SPMAP2L: variants seen among roughly 807,000 people sequenced by gnomAD.
SPMAP2L encodes the protein sperm microtubule associated protein 2-like.
At chr4:56,587,798 T>C in the SPMAP2L span, among the ~76,000 whole-genome samples, 1 of 152,338 alleles carries the variant, frequency 6.6e-6, no homozygotes, top group East Asian at 1.9e-4. Context: ...AGTATCTTTT[T>C]CAAATAAGGG....
At chr4:56,569,593 C>G in the SPMAP2L span, among the ~76,000 whole-genome samples, 1 of 151,882 alleles carries the variant, frequency 6.6e-6, no homozygotes, top group Non-Finnish European at 1.5e-5. Flanking sequence ...GTGGATCACT[C>G]GAGGTCAGGA....
At chr4:56,555,914 T>C in the SPMAP2L span, among the ~76,000 whole-genome samples, 2 of 152,166 alleles carry the variant, frequency 1.3e-5, no homozygotes, top group African/African-American at 4.8e-5. Flanking sequence ...AACACACACA[T>C]ATTTATTGAG....
chr4:56,580,650 TA>T, the SPMAP2L span, among the ~76,000 whole-genome samples: 3 of 148,438 alleles, frequency 2.0e-5, no homozygotes, highest in African/African-American at 2.5e-5. Context: ...AAATAAAAAA[TA>T]AAAAAAAATA....
the SPMAP2L span, chr4:56,530,687 A>G: frequency 6.5e-7 from 1 of 1,534,552 alleles, no homozygotes; most frequent in African/African-American, 1.4e-5. Context: ...ATGGAGAACC[A>G]AGAGTTTCTA....
the SPMAP2L span, among the ~76,000 whole-genome samples, chr4:56,620,783 A>C: frequency 6.6e-6 from 1 of 152,266 alleles, no homozygotes; most frequent in Admixed American, 6.5e-5. Context: ...TATTTAAAGT[A>C]ATGTAATGCA....
chr4:56,548,263 G>A, the SPMAP2L span, among the ~76,000 whole-genome samples: 1 of 151,774 alleles, frequency 6.6e-6, no homozygotes, highest in Non-Finnish European at 1.5e-5. Context: ...CTGTAGTGCT[G>A]ATGAACTTTT....
the SPMAP2L span, among the ~76,000 whole-genome samples, chr4:56,591,767 T>G: frequency 5.3e-5 from 8 of 152,328 alleles, no homozygotes; most frequent in South Asian, 1.7e-3. Context: ...ATTTCCACAA[T>G]TCAGATAGTG....
chr4:56,565,684 T>C, the SPMAP2L span, among the ~76,000 whole-genome samples: 3 of 152,206 alleles, frequency 2.0e-5, no homozygotes, highest in Admixed American at 6.5e-5. Context: ...CTATATGTAT[T>C]AGGTAGATTT....
the SPMAP2L span, among the ~76,000 whole-genome samples, chr4:56,571,236 T>C: frequency 1.3e-5 from 2 of 152,090 alleles, no homozygotes; most frequent in Non-Finnish European, 1.5e-5. Flanking sequence ...ATCCTTATTA[T>C]CATTTTTTAA....
chr4:56,535,581 A>G, the SPMAP2L span, among the ~76,000 whole-genome samples: 11 of 152,004 alleles, frequency 7.2e-5, no homozygotes, highest in African/African-American at 2.7e-4. Context: ...TCACTCGGGG[A>G]GCTCAGTTTT....
the SPMAP2L span, among the ~76,000 whole-genome samples, chr4:56,549,665 C>T: frequency 1.3e-5 from 2 of 152,138 alleles, no homozygotes; most frequent in Admixed American, 6.5e-5. Context: ...CCAAGTGCTC[C>T]AAAATCTGAA....
At chr4:56,542,004 A>G in the SPMAP2L span, among the ~76,000 whole-genome samples, 5 of 152,332 alleles carry the variant, frequency 3.3e-5, no homozygotes, top group Admixed American at 1.3e-4. Flanking sequence ...TCTCAAAAAC[A>G]TATTTTTACA....
the SPMAP2L span, among the ~76,000 whole-genome samples, chr4:56,543,267 T>C: frequency 3.9e-5 from 6 of 152,094 alleles, no homozygotes; most frequent in East Asian, 1.2e-3. Context: ...GTATTTTTAG[T>C]AGAGACGGAG....
chr4:56,606,007 C>G, the SPMAP2L span, among the ~76,000 whole-genome samples: 1 of 152,072 alleles, frequency 6.6e-6, no homozygotes, highest in Non-Finnish European at 1.5e-5. Flanking sequence ...ACATTTGAGT[C>G]CCCCTCCCCT....
At chr4:56,584,721 C>A in the SPMAP2L span, 1 of 766,616 alleles carries the variant, frequency 1.3e-6, no homozygotes, top group South Asian at 1.7e-5. Context: ...TCCCTCTTAT[C>A]AAATGAACTT....
the SPMAP2L span, among the ~76,000 whole-genome samples, chr4:56,556,992 TAATTC>T: frequency 6.6e-6 from 1 of 152,048 alleles, no homozygotes; most frequent in African/African-American, 2.4e-5. Flanking sequence ...CTCACGCCTG[TAATTC>T]CAGCACTTTG....
At chr4:56,600,788 C>A in the SPMAP2L span, 2 of 770,000 alleles carry the variant, frequency 2.6e-6, no homozygotes, top group South Asian at 1.9e-5. Context: ...TGTACAGGAG[C>A]AAGGATGGAA....
At chr4:56,540,132 A>G in the SPMAP2L span, among the ~76,000 whole-genome samples, 1 of 152,214 alleles carries the variant, frequency 6.6e-6, no homozygotes. Flanking sequence ...ATGTAATCTC[A>G]TTTTATCCTT....
the SPMAP2L span, among the ~76,000 whole-genome samples, chr4:56,606,835 T>A: frequency 0.043 from 6,573 of 152,126 alleles, 336 homozygotes; most frequent in African/African-American, 0.12. Flanking sequence ...GCTTTTGAAG[T>A]AATAGTTCTG....
Sources: gnomAD v4.1 joint callset for allele counts (sites outside exome capture counted in the v4.1 genomes callset) on GRCh38, gnomAD v4.1.1 for gene constraint, MANE v1.5 for transcripts, NCBI Gene and HGNC (gene_info 2026-07-23, HGNC 2026-07-21) for gene names.